The following STK10 variants were observed in gnomAD, a reference collection of about 807,000 sequenced individuals.
The protein encoded by STK10 is serine/threonine-protein kinase 10.
STK10 carries 78 observed loss-of-function variants against 113.8 expected under a neutral mutation model. The ratio of observed to expected loss-of-function variants is 0.69; its 90% CI spans 0.57 to 0.83. The LOEUF (loss-of-function observed/expected upper bound fraction) is 0.83. Among genes scored for constraint, STK10 ranks in the 40% least tolerant of loss-of-function variants. The pLI, the probability that STK10 is intolerant of heterozygous loss-of-function variation, is 0.00. For missense variants in STK10, 1,109 were observed against 1,280.1 expected (o/e 0.87, Z 2.04); for synonymous variants, 465 against 494.7 (o/e 0.94, Z 0.80).
intron 1 of STK10, among the ~76,000 whole-genome samples, chr5:172,174,949 C>T (rs1770733660): frequency 6.6e-6 from 1 of 152,222 alleles, no homozygotes; most frequent in Admixed American, 6.5e-5. Flanking sequence ...CGTCCCCATC[C>T]TTCTCCCCAA....
At chr5:172,106,477 A>AC in intron 6 of STK10, 143 bp downstream of exon 6, 3 of 732,404 alleles carry the variant, frequency 4.1e-6, no homozygotes, top group Non-Finnish European at 5.9e-6. Context: ...ACGCCTGAAG[A>AC]CCCCCAGGCC....
intron 10 of STK10, among the ~76,000 whole-genome samples, chr5:172,086,305 G>A (rs1768559582): frequency 6.6e-6 from 1 of 152,196 alleles, no homozygotes; most frequent in Admixed American, 6.5e-5. Context: ...GACTGTCTGA[G>A]CCTCTGCTTT....
intron 18 of STK10, chr5:172,045,597 A>G (rs1022909723): frequency 6.8e-5 from 23 of 340,522 alleles, no homozygotes; most frequent in Non-Finnish European, 1.2e-4. Context: ...CAAACTCTTC[A>G]GGTAACTCAG....
At chr5:172,050,034 C>T (rs917364920) in intron 18 of STK10, among the ~76,000 whole-genome samples, 1 of 152,204 alleles carries the variant, frequency 6.6e-6, no homozygotes, top group Non-Finnish European at 1.5e-5. Context: ...AACTCTTAAC[C>T]TCAGGTGATC....
In STK10 at chr5:172,120,397, G is replaced by C. The variant is rs1445407374; in HGVS notation, c.371-2767C>G. The stretch of plus-strand genomic sequence containing the variant: ...CCAACTGCCCTGCTCTGGGAAGCCA[G>C]GCCCCAGACCAGGGCTCCTGGACCA... On this transcript the variant is annotated intron_variant, in intron 3 of 18. Transcript: ENST00000176763. The surrounding 1 kb of genome is among the most constrained non-coding windows in gnomAD (Gnocchi z 4.0). 1.3e-5 allele frequency among the ~76,000 whole-genome samples: 2 copies of C among 152,184 alleles called. No individual in the cohort carries two copies. The highest frequency in any genetic ancestry group is 4.8e-5 in the African/African-American group (2 of 41,448).
intron 2 of STK10, among the ~76,000 whole-genome samples, chr5:172,136,397 A>C (rs1017564467): frequency 6.6e-6 from 1 of 152,202 alleles, no homozygotes; most frequent in Admixed American, 6.5e-5. Flanking sequence ...GGAGTTCGAG[A>C]CCAGCCTGCC....
intron 12 of STK10, among the ~76,000 whole-genome samples, chr5:172,079,704 C>T (rs1007865587): frequency 6.6e-6 from 1 of 151,946 alleles, no homozygotes; most frequent in Non-Finnish European, 1.5e-5. Flanking sequence ...GGGATTAAGG[C>T]ACCTGTGATC....
At chr5:172,069,071 CAT>C (rs1272843444) in intron 12 of STK10, among the ~76,000 whole-genome samples, 1 of 151,822 alleles carries the variant, frequency 6.6e-6, no homozygotes, top group African/African-American at 2.4e-5. Flanking sequence ...CACACACACA[CAT>C]AAAATATAAA....
At chr5:172,161,083 A>G (rs959843557) in intron 1 of STK10, among the ~76,000 whole-genome samples, 2 of 152,162 alleles carry the variant, frequency 1.3e-5, no homozygotes, top group Non-Finnish European at 2.9e-5. Context: ...ACTGAAAGTG[A>G]CGAGACAGCA....
intron 4 of STK10, among the ~76,000 whole-genome samples, chr5:172,116,065 GTTTTTT>G (rs1367234311): frequency 6.6e-6 from 1 of 151,884 alleles, no homozygotes; most frequent in South Asian, 2.1e-4. Flanking sequence ...TGTGTTGTTT[GTTTTTT>G]TGTTTTTGTT....
chr5:172,149,430 T>C (rs561085183), intron 2 of STK10, among the ~76,000 whole-genome samples: 7 of 152,198 alleles, frequency 4.6e-5, no homozygotes, highest in Non-Finnish European at 1.0e-4. Flanking sequence ...GTCGATACAG[T>C]AATAATACAC....
rs766405920 is a variant in STK10 at position 172,044,875 on chromosome 5, G to A, written c.*7C>T. 1 of 1,614,192 alleles carries A rather than the reference G, an allele frequency of 6.2e-7. No individual in the cohort carries two copies. The highest frequency in any genetic ancestry group is 1.1e-5 in the South Asian group (1 of 91,082). On this transcript the variant is annotated 3_prime_UTR_variant, in exon 19 of 19. Coordinates refer to ENST00000176763, the MANE Select transcript of STK10 (RefSeq NM_005990.4). The surrounding 1 kb of genome is among the most constrained non-coding windows in gnomAD (Gnocchi z 4.5). Reference sequence around the variant, plus strand: ...ACCAAGCTGCCAGCCACAGCCCCGGGCGGTTGTTAAGAAGCATCCGCAGAA... The same window carrying A: ...ACCAAGCTGCCAGCCACAGCCCCGGACGGTTGTTAAGAAGCATCCGCAGAA...
intron 2 of STK10, among the ~76,000 whole-genome samples, chr5:172,137,989 A>G (rs1435220043): frequency 6.6e-6 from 1 of 152,110 alleles, no homozygotes; most frequent in Non-Finnish European, 1.5e-5. Flanking sequence ...CTTTTCCTCC[A>G]AGATCACGAA....
intron 12 of STK10, among the ~76,000 whole-genome samples, chr5:172,078,254 C>T (rs1363254908): frequency 6.6e-6 from 1 of 152,200 alleles, no homozygotes; most frequent in Non-Finnish European, 1.5e-5. Flanking sequence ...CCTGCCATCG[C>T]TGTGTTACAT....
At chr5:172,112,882 G>T (rs950273304) in intron 4 of STK10, among the ~76,000 whole-genome samples, 1 of 150,830 alleles carries the variant, frequency 6.6e-6, no homozygotes, top group Non-Finnish European at 1.5e-5. Context: ...AAGCAGCTGG[G>T]ATTACAGGCA....
rs1203616701 is a variant in STK10, at chr5:172,087,623, A to ATTTTTTTT, written c.1685+2601_1685+2608dup. Among the ~76,000 whole-genome samples, 91 of 85,152 alleles carry ATTTTTTTT rather than the reference A, an allele frequency of 1.1e-3. 6 individuals carry two copies. The highest frequency in any genetic ancestry group is 5.0e-3 in the African/African-American group (86 of 17,184). The allele number at this position is 85,152 out of a possible 152,430, so 55.9% of individuals were successfully genotyped here. On this transcript the variant is annotated intron_variant, in intron 10 of 18. Coordinates refer to ENST00000176763, the MANE Select transcript of STK10 (RefSeq NM_005990.4). ...ATTTTTTAAATTTATTTACTTATTT[A>ATTTTTTTT]TTTTTTTTTTTTTTTTGAGACGGAG...
chr5:172,068,166 C>T (rs963055251), intron 12 of STK10, among the ~76,000 whole-genome samples: 5 of 152,108 alleles, frequency 3.3e-5, no homozygotes, highest in African/African-American at 1.2e-4. Flanking sequence ...TGGTGAAACC[C>T]TGTCTCTACT....
chr5:172,185,965 G>C (rs1770949097), intron 1 of STK10, among the ~76,000 whole-genome samples: 1 of 152,174 alleles, frequency 6.6e-6, no homozygotes, highest in Non-Finnish European at 1.5e-5. Flanking sequence ...TCAGAGGGGA[G>C]GTGGCAAGGA....
In STK10 at chr5:172,052,101, T is replaced by G. The variant is rs1767641306; in HGVS notation, c.2766+828A>C. ...ATCATTCCTGCAAGCAGGGAGGCTA[T>G]CCCGTGACCCTGATTTAATCACATG... On this transcript the variant is annotated intron_variant, in intron 18 of 18. Transcript: ENST00000176763. Among the ~76,000 whole-genome samples the G allele has an allele frequency of 1.3e-5, 2 of 152,154 alleles. 1 individual carries two copies. The highest frequency in any genetic ancestry group is 4.1e-4 in the South Asian group (2 of 4,824).
Sources: gnomAD v4.1 joint callset for allele counts (sites outside exome capture counted in the v4.1 genomes callset) on GRCh38, gnomAD v4.1.1 for gene constraint, Gnocchi (gnomAD v3.1) non-coding constraint, MANE v1.5 for transcripts, NCBI Gene and HGNC (gene_info 2026-07-23, HGNC 2026-07-21) for gene names.